SNX25: variants seen among roughly 807,000 people sequenced by gnomAD.
SNX25 encodes the protein sorting nexin-25.
In SNX25, 62 loss-of-function variants were observed where a neutral mutation model predicts 113.7. That is an observed-to-expected ratio of 0.55 (90% CI 0.44 to 0.67). The LOEUF is 0.67. Among genes scored for constraint, SNX25 ranks in the 30% least tolerant of loss-of-function variants. SNX25 has a pLI of 0.00. For synonymous variants in SNX25, 421 were observed against 436.2 expected, an observed-to-expected ratio of 0.97 and a Z score of 0.43; for missense variants, 1,014 against 1,161.0, an observed-to-expected ratio of 0.87 and a Z score of 1.84.
At position 185,351,416 on chromosome 4, in the gene SNX25, T is replaced by C. The variant is rs1173141408; in HGVS notation, c.2302-29T>C. On this transcript the variant is annotated intron_variant, in intron 13 of 18. Coordinates refer to ENST00000652585, the MANE Select transcript of SNX25 (RefSeq NM_001378034.2). ...CAGCCACACAGATAGTTTCCCACAC[T>C]GGAGCAGTTAATCCTCTTTCTTCCA... is the stretch of plus-strand genomic sequence containing the variant. The C allele has an allele frequency of 2.5e-6, 4 of 1,606,948 alleles. No individual in the cohort carries two copies. In the African/African-American group the frequency reaches 5.4e-5, roughly 22 times the overall value.
rs1490528164 is a variant in SNX25 at position 185,239,911 on chromosome 4, C to G, written c.430-7383C>G. On this transcript the variant is annotated intron_variant, in intron 1 of 18. Transcript: ENST00000652585. Reference sequence around the variant, plus strand: ...TGGTTTTCCTAGGCAGAGGACCCTGCGGCCTTCCGCAGTGTTTGTGTCCCT... The same window carrying G: ...TGGTTTTCCTAGGCAGAGGACCCTGGGGCCTTCCGCAGTGTTTGTGTCCCT... Among the ~76,000 whole-genome samples the G allele has an allele frequency of 1.3e-4, 19 of 149,624 alleles. No individual in the cohort carries two copies. In the South Asian group the frequency reaches 2.6e-3, roughly 20 times the overall value.
chr4:185,243,179 A>G (rs973382387), intron 1 of SNX25, among the ~76,000 whole-genome samples: 2 of 152,200 alleles, frequency 1.3e-5, no homozygotes, highest in African/African-American at 4.8e-5. Flanking sequence ...TTGCAATTTG[A>G]TTTTTATTAT....
intron 7 of SNX25, among the ~76,000 whole-genome samples, chr4:185,313,389 A>C (rs1186452360): frequency 1.3e-5 from 2 of 152,216 alleles, no homozygotes; most frequent in African/African-American, 4.8e-5. Flanking sequence ...TTCTCAATCA[A>C]TAAAGAGACC....
chr4:185,254,275 A>G (rs938315155), intron 2 of SNX25, among the ~76,000 whole-genome samples: 1 of 152,162 alleles, frequency 6.6e-6, no homozygotes, highest in Non-Finnish European at 1.5e-5. Context: ...ATAACTTTGC[A>G]TTGCATTTTA....
In SNX25 at chr4:185,239,907, C is replaced by G. The variant is rs1161747139; in HGVS notation, c.430-7387C>G. Among the ~76,000 whole-genome samples, 21 of 149,064 alleles carry G rather than the reference C, an allele frequency of 1.4e-4. No homozygotes were observed. The South Asian group carries it at 3.0e-3, about 22-fold the overall frequency. On this transcript the variant is annotated intron_variant, in intron 1 of 18. Transcript: ENST00000652585. The stretch of plus-strand genomic sequence containing the variant: ...TCTCTGGTTTTCCTAGGCAGAGGAC[C>G]CTGCGGCCTTCCGCAGTGTTTGTGT...
intron 1 of SNX25, among the ~76,000 whole-genome samples, chr4:185,236,150 G>A (rs13119774): frequency 0.37 from 56,695 of 151,808 alleles, 12,789 homozygotes; most frequent in East Asian, 0.57. Context: ...CTGCCTCAGG[G>A]TAAGAGAATT....
At chr4:185,353,073 T>C (rs575624154) in intron 14 of SNX25, 49 of 159,706 alleles carry the variant, frequency 3.1e-4, no homozygotes, top group Non-Finnish European at 5.9e-4. Flanking sequence ...AAGTCACAGC[T>C]TTAAAAATAA....
chr4:185,298,041 G>A (rs187347773), intron 6 of SNX25, among the ~76,000 whole-genome samples: 112 of 150,864 alleles, frequency 7.4e-4, no homozygotes, highest in Non-Finnish European at 1.4e-3. Flanking sequence ...TTCCCTGTCT[G>A]TACACCACTA....
chr4:185,369,397 G>T (rs1288239979), intron 11 of SNX25, among the ~76,000 whole-genome samples: 1 of 151,138 alleles, frequency 6.6e-6, no homozygotes, highest in Non-Finnish European at 1.5e-5. Context: ...TTATTTTTCA[G>T]TAGAGACAGG....
intron 3 of SNX25, among the ~76,000 whole-genome samples, chr4:185,261,334 A>G (rs1056605312): frequency 1.4e-4 from 22 of 151,948 alleles, no homozygotes; most frequent in African/African-American, 4.6e-4. Flanking sequence ...GTGCCACCAC[A>G]CCCAGCTACA....
intron 2 of SNX25, among the ~76,000 whole-genome samples, chr4:185,251,926 C>T (rs1745722348): frequency 6.6e-6 from 1 of 150,810 alleles, no homozygotes; most frequent in Non-Finnish European, 1.5e-5. Context: ...TTTCCAAAGC[C>T]TTTGGGTAAG....
chr4:185,326,121 C>G (rs758297627), intron 9 of SNX25, among the ~76,000 whole-genome samples: 1 of 152,154 alleles, frequency 6.6e-6, no homozygotes, highest in Non-Finnish European at 1.5e-5. Flanking sequence ...AAATTTTGTT[C>G]ATGGGAGTAT....
intron 6 of SNX25, among the ~76,000 whole-genome samples, chr4:185,300,839 TGACACACACA>T (rs1268394539): frequency 2.2e-4 from 11 of 49,648 alleles, no homozygotes; most frequent in African/African-American, 1.1e-3. Flanking sequence ...ATGATTATTA[TGACACACACA>T]CACACACACA....
intron 5 of SNX25, among the ~76,000 whole-genome samples, chr4:185,285,097 TA>T (rs1433522483): frequency 6.6e-6 from 1 of 152,226 alleles, no homozygotes; most frequent in Non-Finnish European, 1.5e-5. Flanking sequence ...TCTACCATTT[TA>T]ACACAACTGC....
intron 9 of SNX25, among the ~76,000 whole-genome samples, chr4:185,331,381 T>C (rs2095193784): frequency 6.6e-6 from 1 of 152,190 alleles, no homozygotes; most frequent in Non-Finnish European, 1.5e-5. Flanking sequence ...ATACCCTCAA[T>C]GCCCAGCATT....
At chr4:185,293,053 T>G (rs1478210281) in intron 6 of SNX25, among the ~76,000 whole-genome samples, 3 of 152,212 alleles carry the variant, frequency 2.0e-5, no homozygotes, top group Non-Finnish European at 4.4e-5. Flanking sequence ...TATAAAGAAC[T>G]CTTATAACTC....
intron 6 of SNX25, among the ~76,000 whole-genome samples, chr4:185,289,021 G>A (rs73873422): frequency 0.027 from 4,042 of 152,278 alleles, 84 homozygotes; most frequent in Middle Eastern, 0.061. Flanking sequence ...AGGAAGCTTG[G>A]GCTGGGGACT....
At chr4:185,359,635 A>G (rs2095353302) in intron 16 of SNX25, among the ~76,000 whole-genome samples, 1 of 152,166 alleles carries the variant, frequency 6.6e-6, no homozygotes, top group African/African-American at 2.4e-5. Context: ...CTCTACTAAA[A>G]ATACAAAAAT....
Position 185,334,347 on chromosome 4 carries a change from C to A in SNX25, c.1914+1588C>A, listed in dbSNP as rs1287364253. On this transcript the variant is annotated intron_variant, in intron 10 of 18. Coordinates refer to ENST00000652585, the MANE Select transcript of SNX25 (RefSeq NM_001378034.2). The surrounding 1 kb of genome is among the most constrained non-coding windows in gnomAD (Gnocchi z 4.2). ...AGCAAGACTCCATCGATCAATCAAT[C>A]AATAAAAAATAAGAGAGCGTTAATG... Among the ~76,000 whole-genome samples the A allele has an allele frequency of 6.6e-6, 1 of 152,026 alleles. No homozygotes were observed. Among genetic ancestry groups the A allele is most frequent in the Non-Finnish European group, 1.5e-5 (1 of 67,984 alleles).
Sources: allele counts gnomAD v4.1 joint callset (sites outside exome capture counted in the v4.1 genomes callset), GRCh38; gene constraint gnomAD v4.1.1; non-coding constraint Gnocchi (gnomAD v3.1); transcripts MANE v1.5; gene names NCBI Gene and HGNC (gene_info 2026-07-23, HGNC 2026-07-21).